WDPCP: variants seen among roughly 807,000 people sequenced by gnomAD.
WDPCP encodes the protein WD repeat-containing and planar cell polarity effector protein fritz homolog.
Under a neutral mutation model 93.1 loss-of-function variants are expected in WDPCP, and 71 were observed. The observed-to-expected ratio is 0.76, with a 90% confidence interval of 0.63 to 0.93. The LOEUF is 0.93. Among genes scored for constraint, WDPCP ranks in the 40% least tolerant of loss-of-function variants. The pLI, the probability that WDPCP is intolerant of heterozygous loss-of-function variation, is 0.00. For synonymous variants in WDPCP, 315 were observed against 315.0 expected, an observed-to-expected ratio of 1.00 and a Z score of 0.00; for missense variants, 844 against 887.4, an observed-to-expected ratio of 0.95 and a Z score of 0.62.
At chr2:63,392,636 A>G (rs1179131298) in intron 10 of WDPCP, among the ~76,000 whole-genome samples, 4 of 152,202 alleles carry the variant, frequency 2.6e-5, no homozygotes, top group Non-Finnish European at 4.4e-5. Flanking sequence ...CAATCTACCC[A>G]TCTGACAAAG....
intron 2 of WDPCP, among the ~76,000 whole-genome samples, chr2:63,806,193 T>G (rs1434511357): frequency 6.6e-6 from 1 of 152,158 alleles, no homozygotes. Context: ...TTCTTTTCTA[T>G]TTTTCCTAAG....
At chr2:63,807,141 T>G (rs1670779184) in intron 2 of WDPCP, among the ~76,000 whole-genome samples, 1 of 152,210 alleles carries the variant, frequency 6.6e-6, no homozygotes, top group African/African-American at 2.4e-5. Context: ...CTAATAAATG[T>G]CCATGAAATC....
At chr2:63,259,458 C>T in intron 13 of WDPCP, 49 bp from the exon 14 acceptor site, 1 of 1,419,382 alleles carries the variant, frequency 7.0e-7, no homozygotes, top group Non-Finnish European at 9.9e-7. Context: ...GAACCTTGCC[C>T]AAGTTACAAG....
At chr2:63,187,612 G>T (rs574875033) in intron 14 of WDPCP, among the ~76,000 whole-genome samples, 1 of 152,252 alleles carries the variant, frequency 6.6e-6, no homozygotes, top group South Asian at 2.1e-4. Context: ...CTTTACAGCT[G>T]CCATTTCCCC....
intron 2 of WDPCP, among the ~76,000 whole-genome samples, chr2:63,794,936 T>C (rs982306623): frequency 6.6e-6 from 1 of 152,214 alleles, no homozygotes; most frequent in African/African-American, 2.4e-5. Context: ...CATTATCATG[T>C]AGGACAGGTT....
chr2:63,168,240 C>A (rs551291188), intron 15 of WDPCP, among the ~76,000 whole-genome samples: 120 of 149,366 alleles, frequency 8.0e-4, no homozygotes, highest in Non-Finnish European at 1.6e-3. Flanking sequence ...TACAAATATT[C>A]TTAAGTGTTT....
intron 10 of WDPCP, among the ~76,000 whole-genome samples, chr2:63,401,833 C>G (rs1694175919): frequency 6.6e-6 from 1 of 151,976 alleles, no homozygotes; most frequent in East Asian, 1.9e-4. Context: ...ACAATAGATT[C>G]TGGTGAGGCT....
chr2:63,566,167 T>C (rs1007793770), intron 1 of WDPCP, among the ~76,000 whole-genome samples: 2 of 152,138 alleles, frequency 1.3e-5, no homozygotes, highest in Non-Finnish European at 2.9e-5. Context: ...GAAAAGAAAA[T>C]ATCTTGGTCC....
intron 8 of WDPCP, among the ~76,000 whole-genome samples, chr2:63,436,839 T>A (rs556150584): frequency 6.6e-6 from 1 of 152,176 alleles, no homozygotes; most frequent in Admixed American, 6.6e-5. Flanking sequence ...AAATTCTGCC[T>A]TAATAGATGT....
chr2:63,733,034 T>C (rs1669583241), intron 2 of WDPCP, among the ~76,000 whole-genome samples: 1 of 152,144 alleles, frequency 6.6e-6, no homozygotes, highest in African/African-American at 2.4e-5. Context: ...ACCCATTACA[T>C]TTATAAGAAA....
At chr2:63,282,229 G>C (rs374977659) in intron 13 of WDPCP, among the ~76,000 whole-genome samples, 1 of 152,100 alleles carries the variant, frequency 6.6e-6, no homozygotes, top group African/African-American at 2.4e-5. Flanking sequence ...ACATGGGCTC[G>C]GGCGCAGTGG....
rs774300078 is a variant in WDPCP, at chr2:63,439,779, G to A, written c.477C>T (p.Leu159=). 1 of 1,613,122 alleles carries A rather than the reference G, an allele frequency of 6.2e-7. No homozygotes were observed. Among genetic ancestry groups the A allele is most frequent in the South Asian group, 1.1e-5 (1 of 91,054 alleles). Residue 159 remains leucine, a synonymous_variant, in exon 7 of 18, where the codon CTC becomes CTT. Transcript: ENST00000272321. ...TACCATCACTGATGGTGTCTGAGAT[G>A]AGCTTCCCCACCAGGCTTCTGTCAA... ...VVIDRSLVGK[L]ISDTISDALL...
At chr2:63,140,628 G>A (rs1297312749) in intron 17 of WDPCP, among the ~76,000 whole-genome samples, 9 of 151,024 alleles carry the variant, frequency 6.0e-5, no homozygotes, top group Non-Finnish European at 1.3e-4. Flanking sequence ...TGCTGTTGTT[G>A]TATAGAAGAG....
intron 2 of WDPCP, among the ~76,000 whole-genome samples, chr2:63,802,777 C>T (rs1220337212): frequency 6.6e-6 from 1 of 152,038 alleles, no homozygotes; most frequent in Non-Finnish European, 1.5e-5. Flanking sequence ...TTTCTTCCAG[C>T]TAAAAGAGAA....
At chr2:63,615,181 A>G (rs1709659619) in intron 3 of WDPCP, among the ~76,000 whole-genome samples, 1 of 152,218 alleles carries the variant, frequency 6.6e-6, no homozygotes, top group Non-Finnish European at 1.5e-5. Context: ...CAGATAAGGA[A>G]GCAGCTATGA....
chr2:63,536,773 C>CTTTTTTTT (rs58661370), intron 1 of WDPCP, among the ~76,000 whole-genome samples: 60,558 of 91,536 alleles, frequency 0.66, 20,454 homozygotes, highest in East Asian at 0.89. Context: ...ATTCTTCATG[C>CTTTTTTTT]TTTTTTTTTT....
chr2:63,187,733 T>C (rs1161441818), intron 14 of WDPCP, among the ~76,000 whole-genome samples: 1 of 152,204 alleles, frequency 6.6e-6, no homozygotes, highest in East Asian at 1.9e-4. Flanking sequence ...TATACAAGAA[T>C]TAAAAGTGGA....
intron 17 of WDPCP, among the ~76,000 whole-genome samples, chr2:63,144,184 C>A (rs1463638723): frequency 4.6e-5 from 7 of 152,020 alleles, no homozygotes; most frequent in Non-Finnish European, 1.0e-4. Flanking sequence ...AGTTCAAAGA[C>A]CTTGTTTTCG....
intron 12 of WDPCP, among the ~76,000 whole-genome samples, chr2:63,321,505 G>A (rs1352523201): frequency 6.6e-6 from 1 of 151,970 alleles, no homozygotes; most frequent in Non-Finnish European, 1.5e-5. Flanking sequence ...ATCTTAGACT[G>A]AAAATGTTAC....
Sources: gnomAD v4.1 joint callset for allele counts (sites outside exome capture counted in the v4.1 genomes callset) on GRCh38, gnomAD v4.1.1 for gene constraint, MANE v1.5 for transcripts, NCBI Gene and HGNC (gene_info 2026-07-23, HGNC 2026-07-21) for gene names.